Variants in ATE1 observed in about 807,000 individuals in gnomAD.
The protein encoded by ATE1 is arginyltransferase 1, also known as arginyl-tRNA--protein transferase 1.
Under a neutral mutation model 70.5 loss-of-function variants are expected in ATE1, and 36 were observed. That is an observed-to-expected ratio of 0.51 (90% CI 0.39 to 0.67). The LOEUF (loss-of-function observed/expected upper bound fraction) is 0.67. Ranked by LOEUF, ATE1 falls within the 30% of genes least tolerant of loss-of-function variation. ATE1 has a pLI of 0.00. For synonymous variants in ATE1, 232 were observed against 219.3 expected (o/e 1.06, Z -0.51); for missense variants, 593 against 629.5 (o/e 0.94, Z 0.62).
chr10:121,775,363 C>T (rs1945692034), intron 11 of ATE1, among the ~76,000 whole-genome samples: 1 of 151,954 alleles, frequency 6.6e-6, no homozygotes, highest in Admixed American at 6.6e-5. Flanking sequence ...ATACCTAATG[C>T]ATGTGGGGCT....
At chr10:121,813,951 C>T (rs1736667294) in intron 10 of ATE1, among the ~76,000 whole-genome samples, 1 of 152,198 alleles carries the variant, frequency 6.6e-6, no homozygotes, top group Admixed American at 6.5e-5. Flanking sequence ...TTCTCAGATC[C>T]ATGTTTATGA....
At chr10:121,854,145 G>A (rs925856257) in intron 8 of ATE1, among the ~76,000 whole-genome samples, 1 of 152,126 alleles carries the variant, frequency 6.6e-6, no homozygotes, top group African/African-American at 2.4e-5. Context: ...CAACTCTGCA[G>A]GTGCAGAGGT....
intron 10 of ATE1, among the ~76,000 whole-genome samples, chr10:121,798,652 C>A (rs1033074108): frequency 1.3e-5 from 2 of 152,286 alleles, no homozygotes; most frequent in East Asian, 3.9e-4. Context: ...GTAATCCCAG[C>A]ACTTTGGGAG....
chr10:121,791,067 T>TAC (rs1178618090), intron 10 of ATE1, among the ~76,000 whole-genome samples: 7,482 of 49,646 alleles, frequency 0.15, 293 homozygotes, highest in Non-Finnish European at 0.18. Context: ...TGTGTGTGTG[T>TAC]GTGTGTGTGT....
intron 10 of ATE1, among the ~76,000 whole-genome samples, chr10:121,827,939 A>G (rs550141465): frequency 6.6e-6 from 1 of 152,342 alleles, no homozygotes; most frequent in African/African-American, 2.4e-5. Flanking sequence ...TTCCTTAGGG[A>G]GGAGAATTTA....
At chr10:121,922,558 T>C (rs1016236225) in intron 2 of ATE1, 147 bp from the exon 3 acceptor site, 12 of 601,656 alleles carry the variant, frequency 2.0e-5, no homozygotes, top group Non-Finnish European at 3.0e-5. Context: ...ATAAGCCAAA[T>C]AATCTTCAAA....
chr10:121,798,580 G>C (rs1311524048), intron 10 of ATE1, among the ~76,000 whole-genome samples: 1 of 152,286 alleles, frequency 6.6e-6, no homozygotes, highest in East Asian at 1.9e-4. Context: ...CATTGTCTGA[G>C]TTAAATCTCA....
intron 10 of ATE1, among the ~76,000 whole-genome samples, chr10:121,804,526 G>A (rs1341939521): frequency 1.3e-5 from 2 of 152,106 alleles, no homozygotes; most frequent in Admixed American, 6.6e-5. Flanking sequence ...ATTTTGACAA[G>A]TTACTATTAC....
At position 121,927,935 on chromosome 10, in the gene ATE1, C is replaced by A. The variant is rs771325566; in HGVS notation, c.15G>T (p.Ala5=). 1 of 1,571,464 alleles carries A rather than the reference C, an allele frequency of 6.4e-7. No individual in the cohort carries two copies. Among genetic ancestry groups the A allele is most frequent in the Non-Finnish European group, 8.6e-7 (1 of 1,161,888 alleles). Residue 5 remains alanine, a synonymous_variant, in exon 1 of 12, where the codon GCG becomes GCT. Coordinates refer to ENST00000224652, the MANE Select transcript of ATE1 (RefSeq NM_001001976.3). MAFW[A]GGSPSVVDYF... is the part of the protein sequence containing the mutation. ...AGTCCACGACGCTGGGCGAACCCCCCGCCCAGAAAGCCATGGCCTCGGCCC... is the reference window on the plus strand; with the variant it reads ...AGTCCACGACGCTGGGCGAACCCCCAGCCCAGAAAGCCATGGCCTCGGCCC...
chr10:121,743,455 C>T lies in ATE1; in HGVS notation c.*225G>A. ...GAAAGAATCCTCCAAAATGATAAAT[C>T]CCAATTATGGGGGCTAGGTCATAAT... On this transcript the variant is annotated 3_prime_UTR_variant, in exon 12 of 12. Transcript: ENST00000224652. The T allele has an allele frequency of 1.2e-6, 1 of 825,456 alleles. No homozygotes were observed. Among genetic ancestry groups the T allele is most frequent in the Non-Finnish European group, 1.6e-6 (1 of 627,462 alleles). 51.1% of individuals were successfully genotyped at this position (825,456 alleles called of 1,614,324 possible).
At position 121,809,603 on chromosome 10, in the gene ATE1, G is replaced by A. The variant is rs76539436; in HGVS notation, c.1258-19314C>T. ...TGCCTTGATTCGTGCTAAGACGCTAGCAGTTTTCCATCACAGTTGCTTTTG... is the reference window on the plus strand; with the variant it reads ...TGCCTTGATTCGTGCTAAGACGCTAACAGTTTTCCATCACAGTTGCTTTTG... On this transcript the variant is annotated intron_variant, in intron 10 of 11. Coordinates refer to ENST00000224652, the MANE Select transcript of ATE1 (RefSeq NM_001001976.3). Among the ~76,000 whole-genome samples, 716 of 152,248 alleles carry A rather than the reference G, an allele frequency of 4.7e-3. 7 individuals carry two copies. The highest frequency in any genetic ancestry group is 0.016 in the African/African-American group (675 of 41,550).
At chr10:121,923,429 T>TACTCTAGCCTGGGCAAGAGAGCG (rs1355996169) in intron 2 of ATE1, among the ~76,000 whole-genome samples, 1 of 152,212 alleles carries the variant, frequency 6.6e-6, no homozygotes, top group African/African-American at 2.4e-5. Flanking sequence ...GATGGCACTG[T>TACTCTAGCCTGGGCAAGAGAGCG]ACTCTAGCCT....
chr10:121,897,591 G>A (rs1004911310), intron 7 of ATE1, among the ~76,000 whole-genome samples: 21 of 152,138 alleles, frequency 1.4e-4, no homozygotes, highest in African/African-American at 4.8e-4. Context: ...CACTCTGGGA[G>A]GCCAAGGAGG....
chr10:121,858,449 TTA>T (rs1400344402), intron 8 of ATE1, among the ~76,000 whole-genome samples: 2 of 151,908 alleles, frequency 1.3e-5, no homozygotes, highest in African/African-American at 4.8e-5. Flanking sequence ...ACAAACATTT[TTA>T]TATGTTTTGG....
At chr10:121,785,874 T>G (rs554667186) in intron 11 of ATE1, among the ~76,000 whole-genome samples, 1 of 152,274 alleles carries the variant, frequency 6.6e-6, no homozygotes. Context: ...ATTGTAAGAT[T>G]TTTTGCGAAC....
intron 10 of ATE1, among the ~76,000 whole-genome samples, chr10:121,835,535 G>A (rs552865974): frequency 6.6e-6 from 1 of 151,742 alleles, no homozygotes; most frequent in South Asian, 2.1e-4. Context: ...GAGACACATC[G>A]CAAATATAAT....
intron 7 of ATE1, among the ~76,000 whole-genome samples, chr10:121,899,541 A>C (rs1429336232): frequency 6.6e-6 from 1 of 152,216 alleles, no homozygotes; most frequent in African/African-American, 2.4e-5. Context: ...TCTACCATAA[A>C]AATATAGTTT....
intron 3 of ATE1, among the ~76,000 whole-genome samples, chr10:121,918,149 A>T (rs1951732830): frequency 1.3e-5 from 2 of 152,180 alleles, no homozygotes; most frequent in Admixed American, 1.3e-4. Context: ...CCTGGCCAAT[A>T]TGGTGAAACC....
chr10:121,876,408 G>A (rs1950049556), intron 7 of ATE1, among the ~76,000 whole-genome samples: 1 of 152,152 alleles, frequency 6.6e-6, no homozygotes, highest in African/African-American at 2.4e-5. Flanking sequence ...GATTTGGATT[G>A]TAAGTTAGGT....
Sources: allele counts gnomAD v4.1 joint callset (sites outside exome capture counted in the v4.1 genomes callset), GRCh38; gene constraint gnomAD v4.1.1; transcripts MANE v1.5; gene names NCBI Gene and HGNC (gene_info 2026-07-23, HGNC 2026-07-21).